Variants in PLCXD2 observed in about 807,000 individuals in gnomAD.
The protein encoded by PLCXD2 is phosphatidylinositol specific phospholipase C X domain containing 2, also known as PI-PLC X domain-containing protein 2.
Under a neutral mutation model 28.6 loss-of-function variants are expected in PLCXD2, and 21 were observed. The ratio of observed to expected loss-of-function variants is 0.73; its 90% confidence interval spans 0.52 to 1.06. The LOEUF (loss-of-function observed/expected upper bound fraction) is 1.06, where lower values mean the gene tolerates loss of function less well. PLCXD2 is among the 50% of genes least tolerant of loss of function. The pLI is 0.00. For missense variants in PLCXD2, 369 were observed against 376.7 expected (o/e 0.98, Z 0.17); for synonymous variants, 140 against 150.1 (o/e 0.93, Z 0.49).
intron 1 of PLCXD2, among the ~76,000 whole-genome samples, chr3:111,702,824 A>G (rs922449277): frequency 1.3e-5 from 2 of 152,234 alleles, no homozygotes; most frequent in African/African-American, 4.8e-5. Context: ...AGAATAAAAT[A>G]ATTTCCATGA....
intron 1 of PLCXD2, among the ~76,000 whole-genome samples, chr3:111,698,471 G>A (rs1393122342): frequency 6.6e-6 from 1 of 152,264 alleles, no homozygotes; most frequent in Non-Finnish European, 1.5e-5. Context: ...CATTTGTGAA[G>A]TTCTTTCTTA....
chr3:111,724,275 C>T (rs1333070929), intron 3 of PLCXD2: 6 of 152,036 alleles, frequency 3.9e-5, no homozygotes, highest in East Asian at 3.9e-4. Flanking sequence ...ATGGTAATTA[C>T]TTTTAGTCAT....
chr3:111,685,186 A>G (rs1940776567), intron 1 of PLCXD2, among the ~76,000 whole-genome samples: 1 of 152,212 alleles, frequency 6.6e-6, no homozygotes, highest in African/African-American at 2.4e-5. Context: ...ACTAACAGCT[A>G]CTATTATACC....
chr3:111,711,273 A>T (rs996627550), intron 2 of PLCXD2, among the ~76,000 whole-genome samples: 2 of 152,138 alleles, frequency 1.3e-5, no homozygotes. Flanking sequence ...GCATGGTGGC[A>T]CACGCCTGTA....
chr3:111,678,980 A>G (rs993109315), intron 1 of PLCXD2, among the ~76,000 whole-genome samples: 1 of 152,172 alleles, frequency 6.6e-6, no homozygotes, highest in Non-Finnish European at 1.5e-5. Context: ...CTTGATGCAA[A>G]TGAACTTTTA....
rs990681789 is a variant in PLCXD2 at position 111,716,052 on chromosome 3, A to G, written c.866+1924A>G. ...AAGCCAAGGGATCCTACTATGCCAGAGCCCTTGCACTACTGCTAGCAGCAA... is the reference window on the plus strand; with the variant it reads ...AAGCCAAGGGATCCTACTATGCCAGGGCCCTTGCACTACTGCTAGCAGCAA... On this transcript the variant is annotated intron_variant, in intron 3 of 4. Coordinates refer to ENST00000477665, the MANE Select transcript of PLCXD2 (RefSeq NM_001185106.1). 3.3e-5 allele frequency among the ~76,000 whole-genome samples: 5 copies of G among 152,260 alleles called. No individual in the cohort carries two copies. In the East Asian group the frequency reaches 9.6e-4, roughly 29 times the overall value.
At position 111,675,281 on chromosome 3, in the gene PLCXD2, G is replaced by A. The variant is rs1165016393; in HGVS notation, c.36G>A (p.Arg12=). 1.2e-6 allele frequency: 2 copies of A among 1,614,024 alleles called. No individual in the cohort carries two copies. Among genetic ancestry groups the A allele is most frequent in the Non-Finnish European group, 1.7e-6 (2 of 1,180,018 alleles). ...TTAGGAAGGCCAGGAGGAAACTCAG[G>A]ATGGGGACCATCTGCTCCCCCAACC... Residue 12 remains arginine (R), a synonymous_variant, in exon 1 of 5, where the codon AGG becomes AGA. Transcript: ENST00000477665.
At chr3:111,712,285 G>A (rs947655235) in intron 2 of PLCXD2, among the ~76,000 whole-genome samples, 4 of 152,118 alleles carry the variant, frequency 2.6e-5, no homozygotes, top group African/African-American at 7.2e-5. Context: ...CAGTCCTCTC[G>A]TTCCCTGAAA....
intron 2 of PLCXD2, among the ~76,000 whole-genome samples, chr3:111,711,395 A>G (rs1941197928): frequency 6.6e-6 from 1 of 152,156 alleles, no homozygotes; most frequent in Non-Finnish European, 1.5e-5. Flanking sequence ...CCAGAGTGAA[A>G]CTCCGTCTCA....
intron 1 of PLCXD2, among the ~76,000 whole-genome samples, chr3:111,707,481 A>G (rs1941137222): frequency 6.6e-6 from 1 of 152,196 alleles, no homozygotes; most frequent in Non-Finnish European, 1.5e-5. Context: ...ATTCTTCTAT[A>G]AGAGACACTT....
chr3:111,714,023 G>A lies in PLCXD2; in HGVS notation c.761G>A (p.Arg254Gln), dbSNP rs142045095. The change falls in exon 3 of 5, where the codon CGG becomes CAG. Residue 254 changes from arginine (R) to glutamine (Q), a missense_variant. Physicochemically the swap from Arg to Gln is conservative, Grantham distance 43 (BLOSUM62 1). Transcript: ENST00000477665. Reference sequence around the variant, plus strand: ...TTCTTGGAGACCACTCTGAGTGAGCGGGCCTCACGGGGCTCCTTCCATGTC... The same window carrying A: ...TTCTTGGAGACCACTCTGAGTGAGCAGGCCTCACGGGGCTCCTTCCATGTC... The A allele has an allele frequency of 3.8e-5, 61 of 1,613,982 alleles. 1 individual carries two copies. The Middle Eastern group carries it at 4.9e-4, about 13-fold the overall frequency.
At chr3:111,703,289 G>A (rs1941072235) in intron 1 of PLCXD2, among the ~76,000 whole-genome samples, 1 of 152,172 alleles carries the variant, frequency 6.6e-6, no homozygotes, top group Non-Finnish European at 1.5e-5. Context: ...AGAGAACAAA[G>A]AGGTAAAAAG....
intron 1 of PLCXD2, among the ~76,000 whole-genome samples, chr3:111,706,150 T>G (rs1432062093): frequency 1.3e-5 from 2 of 152,222 alleles, no homozygotes; most frequent in African/African-American, 4.8e-5. Context: ...TGAGCTACCA[T>G]GCCCATCTGT....
intron 2 of PLCXD2, among the ~76,000 whole-genome samples, chr3:111,712,884 T>C (rs1178190749): frequency 6.6e-6 from 1 of 152,192 alleles, no homozygotes; most frequent in Non-Finnish European, 1.5e-5. Context: ...AAATAGCAGT[T>C]TCCTATCCCA....
chr3:111,713,924 AC>A lies in PLCXD2; in HGVS notation c.666del (p.Phe223SerfsTer21). 1 of 1,614,002 alleles carries A rather than the reference AC, an allele frequency of 6.2e-7. No individual in the cohort carries two copies. Among genetic ancestry groups the A allele is most frequent in the Non-Finnish European group, 8.5e-7 (1 of 1,179,864 alleles). On this transcript the variant is annotated frameshift_variant, in exon 3 of 5. Transcript: ENST00000477665. LOFTEE classifies it high-confidence loss of function. ...TACCACTGTCCCTTCTACAAGCAGT[AC>A]CCCTTCCTGTGGCCAGGAAAGAAGA...
At chr3:111,708,591 T>C (rs1941155218) in intron 2 of PLCXD2, among the ~76,000 whole-genome samples, 1 of 152,210 alleles carries the variant, frequency 6.6e-6, no homozygotes, top group Admixed American at 6.5e-5. Flanking sequence ...ACTTAAAGCT[T>C]GTCCAGCAAA....
chr3:111,675,546 C>G (rs1208606723), intron 1 of PLCXD2, 138 bp downstream of exon 1: 1 of 952,476 alleles, frequency 1.0e-6, no homozygotes, highest in African/African-American at 1.6e-5. Context: ...AAAAACTTAA[C>G]ACTGAAGCAG....
intron 1 of PLCXD2, among the ~76,000 whole-genome samples, chr3:111,679,473 A>G (rs1225668831): frequency 1.3e-5 from 2 of 152,200 alleles, no homozygotes; most frequent in East Asian, 3.9e-4. Flanking sequence ...ATTTTCCTTT[A>G]TAATCCTGAA....
chr3:111,684,038 A>G (rs946449374), intron 1 of PLCXD2, among the ~76,000 whole-genome samples: 5 of 152,110 alleles, frequency 3.3e-5, no homozygotes, highest in African/African-American at 1.2e-4. Flanking sequence ...AGAGGTCTTA[A>G]AAGCCATGTT....
Sources: allele counts gnomAD v4.1 joint callset (sites outside exome capture counted in the v4.1 genomes callset), GRCh38; gene constraint gnomAD v4.1.1; transcripts MANE v1.5; gene names NCBI Gene and HGNC (gene_info 2026-07-23, HGNC 2026-07-21).